APMAP: variants seen among roughly 807,000 people sequenced by gnomAD.
The protein encoded by APMAP is adipocyte plasma membrane-associated protein.
A neutral mutation model predicts 43.6 loss-of-function variants in APMAP; 33 were observed. The observed-to-expected ratio is 0.76, with a 90% CI of 0.57 to 1.01. The LOEUF (loss-of-function observed/expected upper bound fraction) is 1.01, where lower values mean the gene tolerates loss of function less well. Among genes scored for constraint, APMAP ranks in the 50% least tolerant of loss-of-function variants. APMAP has a pLI of 0.00. For synonymous variants in APMAP, 224 were observed against 216.7 expected (o/e 1.03, Z -0.30); for missense variants, 498 against 540.7 (o/e 0.92, Z 0.78).
At chr20:24,967,200 C>T (rs1205185812) in intron 8 of APMAP, among the ~76,000 whole-genome samples, 1 of 152,162 alleles carries the variant, frequency 6.6e-6, no homozygotes, top group Admixed American at 6.5e-5. Flanking sequence ...GAGGCTGAGG[C>T]AGGAGAATCA....
chr20:24,965,294 C>G (rs2087932938), intron 8 of APMAP, among the ~76,000 whole-genome samples: 1 of 152,274 alleles, frequency 6.6e-6, no homozygotes, highest in African/African-American at 2.4e-5. Context: ...CGCCTCTCCC[C>G]AGTCACTGAG....
chr20:24,988,715 T>C (rs943592582), intron 1 of APMAP, among the ~76,000 whole-genome samples: 3 of 152,208 alleles, frequency 2.0e-5, no homozygotes, highest in Non-Finnish European at 1.5e-5. Context: ...CCACTAACTC[T>C]ATGCAGCTCC....
At chr20:24,979,291 CG>C (rs1320008094) in intron 2 of APMAP, among the ~76,000 whole-genome samples, 1 of 152,172 alleles carries the variant, frequency 6.6e-6, no homozygotes, top group African/African-American at 2.4e-5. Context: ...CCTGATGACC[CG>C]GCCTCGTATT....
chr20:24,965,509 G>A (rs2087935009), intron 8 of APMAP, among the ~76,000 whole-genome samples: 1 of 152,380 alleles, frequency 6.6e-6, no homozygotes, highest in African/African-American at 2.4e-5. Context: ...CTCCGCTTGG[G>A]TGAGGAGGTG....
chr20:24,988,090 T>C (rs1489083888), intron 1 of APMAP, among the ~76,000 whole-genome samples: 2 of 152,216 alleles, frequency 1.3e-5, no homozygotes, highest in Non-Finnish European at 2.9e-5. Flanking sequence ...AGGGACTGCC[T>C]GCCTTAAAGG....
Position 24,963,707 on chromosome 20 carries a change from G to C in APMAP, c.*106C>G. ...ACCTCTCAGGGACTAACAGGTGCAT[G>C]TGGACACTTGAACCACGACTGTGTC... On this transcript the variant is annotated 3_prime_UTR_variant, in exon 9 of 9. Transcript: ENST00000217456. 1 of 1,182,526 alleles carries C rather than the reference G, an allele frequency of 8.5e-7. No homozygotes were observed. The highest frequency in any genetic ancestry group is 1.2e-6 in the Non-Finnish European group (1 of 818,036). The allele number at this position is 1,182,526 out of a possible 1,614,324, so 73.3% of individuals were successfully genotyped here. A position where few individuals can be genotyped will look rare whatever the true frequency, so the allele number is the denominator to read the frequency against.
rs115059382 is a variant in APMAP, at chr20:24,972,258, G to A, written c.422-682C>T. On this transcript the variant is annotated intron_variant, in intron 4 of 8. Transcript: ENST00000217456. Reference sequence around the variant, plus strand: ...TGTTCAAGTGGAGTGCTCACTGCAGGTGCTTATTGCAGGGTGTTATTGCAG... The same window carrying A: ...TGTTCAAGTGGAGTGCTCACTGCAGATGCTTATTGCAGGGTGTTATTGCAG... Among the ~76,000 whole-genome samples, 853 of 149,840 alleles carry A rather than the reference G, an allele frequency of 5.7e-3. 14 individuals carry two copies. Among genetic ancestry groups the A allele is most frequent in the African/African-American group, 0.02 (794 of 40,284 alleles).
chr20:24,970,464 A>G, intron 5 of APMAP, 93 bp from the exon 6 acceptor site: 1 of 1,141,796 alleles, frequency 8.8e-7, no homozygotes, highest in Non-Finnish European at 1.2e-6. Flanking sequence ...TTAAAAAGAA[A>G]AACTGAAACT....
chr20:24,987,043 C>T (rs985036767), intron 1 of APMAP, among the ~76,000 whole-genome samples: 5 of 152,226 alleles, frequency 3.3e-5, no homozygotes, highest in African/African-American at 1.2e-4. Flanking sequence ...ATCTAAGTTG[C>T]AGTATGTATC....
chr20:24,973,787 T>A, intron 3 of APMAP, 50 bp from the exon 4 acceptor site: 1 of 1,541,564 alleles, frequency 6.5e-7, no homozygotes, highest in Non-Finnish European at 9.0e-7. Context: ...CTAAGAAATG[T>A]GACTAAGCCG....
intron 1 of APMAP, among the ~76,000 whole-genome samples, chr20:24,988,726 C>G (rs920787474): frequency 6.6e-6 from 1 of 152,206 alleles, no homozygotes; most frequent in African/African-American, 2.4e-5. Context: ...ATGCAGCTCC[C>G]TTCCCAGTCA....
chr20:24,991,105 A>G (rs981217825), intron 1 of APMAP, among the ~76,000 whole-genome samples: 5 of 152,220 alleles, frequency 3.3e-5, no homozygotes, highest in African/African-American at 1.2e-4. Context: ...AGTGTGAGCC[A>G]GCCAACTTGA....
At chr20:24,967,671 G>C (rs1294773583) in intron 8 of APMAP, among the ~76,000 whole-genome samples, 1 of 152,242 alleles carries the variant, frequency 6.6e-6, no homozygotes, top group East Asian at 1.9e-4. Context: ...CCCAGCACCT[G>C]ATGAGGCACT....
At chr20:24,965,993 A>G (rs144930652) in intron 8 of APMAP, among the ~76,000 whole-genome samples, 107 of 152,282 alleles carry the variant, frequency 7.0e-4, no homozygotes, top group Middle Eastern at 6.8e-3. Context: ...GTGCAGGTAT[A>G]TGTGAGTATG....
In APMAP at chr20:24,963,501, C is replaced by T; in HGVS notation, c.*312G>A. 2.7e-6 allele frequency: 1 copy of T among 365,316 alleles called. No homozygotes were observed. Among genetic ancestry groups the T allele is most frequent in the South Asian group, 2.7e-5 (1 of 36,942 alleles). The allele number at this position is 365,316 out of a possible 1,614,324, so 22.6% of individuals were successfully genotyped here. A position where few individuals can be genotyped will look rare whatever the true frequency, so the allele number is the denominator to read the frequency against. On this transcript the variant is annotated 3_prime_UTR_variant, in exon 9 of 9. Transcript: ENST00000217456. ...ACCCACCTGAGCCCTGTTCCAAGTG[C>T]AAGGAGCTTCCCAAATCCTAGAGAA...
rs1336065912 is a variant in APMAP, at chr20:24,970,259, A to G, written c.651T>C (p.Ser217=). The G allele has an allele frequency of 6.2e-7, 1 of 1,614,204 alleles. No individual in the cohort carries two copies. ...QDGRKIYFTD[S]SSKWQRRDYL... ...AGTCTCGTCTTTGCCATTTGCTGCTAGAATCGGTGAAATAAATCTTCCTCC... is the reference window on the plus strand; with the variant it reads ...AGTCTCGTCTTTGCCATTTGCTGCTGGAATCGGTGAAATAAATCTTCCTCC... Residue 217 remains serine, a synonymous_variant, in exon 6 of 9, where the codon TCT becomes TCC. Transcript: ENST00000217456.
rs755576064 is a variant in APMAP at position 24,962,958 on chromosome 20, T to G, written c.*855A>C. ...ATCAGCAGAAGTCGATTTATCGTTA[T>G]TTATTATCAAAATCATGACCAGTGT... On this transcript the variant is annotated 3_prime_UTR_variant, in exon 9 of 9. Transcript: ENST00000217456. The G allele has an allele frequency of 1.3e-5, 2 of 152,208 alleles. No individual in the cohort carries two copies. Among genetic ancestry groups the G allele is most frequent in the South Asian group, 2.1e-4 (1 of 4,832 alleles). The allele number at this position is 152,208 out of a possible 1,614,324, so 9.4% of individuals were successfully genotyped here.
chr20:24,982,823 A>C (rs2088116233), intron 2 of APMAP, among the ~76,000 whole-genome samples: 3 of 150,314 alleles, frequency 2.0e-5, no homozygotes, highest in South Asian at 2.1e-4. Context: ...CCCTCAACAC[A>C]TCAGGGGACC....
chr20:24,980,221 A>G (rs1600287109), intron 2 of APMAP, among the ~76,000 whole-genome samples: 2 of 152,242 alleles, frequency 1.3e-5, no homozygotes, highest in South Asian at 4.1e-4. Flanking sequence ...GTAGAGAGGA[A>G]TATCTTCCGA....
Sources: allele counts gnomAD v4.1 joint callset (sites outside exome capture counted in the v4.1 genomes callset), GRCh38; gene constraint gnomAD v4.1.1; transcripts MANE v1.5; gene names NCBI Gene and HGNC (gene_info 2026-07-23, HGNC 2026-07-21).